TBKBP1: variants seen among roughly 807,000 people sequenced by gnomAD.
TBKBP1 encodes the protein TBK1 binding protein 1.
Under a neutral mutation model 69.9 loss-of-function variants are expected in TBKBP1, and 47 were observed. The observed-to-expected ratio is 0.67, with a 90% confidence interval of 0.53 to 0.86. The LOEUF is 0.86. TBKBP1 is among the 40% of genes least tolerant of loss of function. TBKBP1 has a pLI of 0.00. For missense variants in TBKBP1, 831 were observed against 858.6 expected, an observed-to-expected ratio of 0.97 and a Z score of 0.40; for synonymous variants, 418 against 390.3, an observed-to-expected ratio of 1.07 and a Z score of -0.84.
intron 7 of TBKBP1, among the ~76,000 whole-genome samples, chr17:47,704,714 T>G (rs1025965817): frequency 1.3e-5 from 2 of 152,204 alleles, no homozygotes; most frequent in Non-Finnish European, 2.9e-5. Context: ...GTCCACAATC[T>G]TGGCCACGTG....
In TBKBP1 at chr17:47,702,413, G is replaced by C. The variant is rs529329161; in HGVS notation, c.872+2716G>C. On this transcript the variant is annotated intron_variant, in intron 7 of 9. Transcript: ENST00000578982. ...CTCTTAGGCGGGAGTCTTCTGTATG[G>C]TGAACTCTGTATGTATGTATGCCCA... Among the ~76,000 whole-genome samples the C allele has an allele frequency of 3.3e-5, 5 of 152,222 alleles. No homozygotes were observed. The East Asian group carries it at 7.7e-4, about 23-fold the overall frequency.
At chr17:47,703,643 C>T (rs2031597817) in intron 7 of TBKBP1, among the ~76,000 whole-genome samples, 1 of 152,188 alleles carries the variant, frequency 6.6e-6, no homozygotes, top group African/African-American at 2.4e-5. Context: ...CGCCCATCTT[C>T]CCTCCTTAAA....
At chr17:47,694,548 G>A (rs1217242677) in intron 1 of TBKBP1, 3 of 152,132 alleles carry the variant, frequency 2.0e-5, no homozygotes, top group Non-Finnish European at 4.4e-5. Flanking sequence ...GCTCTTAAAG[G>A]GGCCGCAGGA....
At chr17:47,710,456 TG>T in intron 9 of TBKBP1, 41 bp from the exon 10 acceptor site, 1 of 1,582,500 alleles carries the variant, frequency 6.3e-7, no homozygotes, top group Non-Finnish European at 8.6e-7. Flanking sequence ...GGACCATGGG[TG>T]GGGGCTGGGG....
In TBKBP1 at chr17:47,699,388, G is replaced by C. The variant is rs758230040; in HGVS notation, c.703G>C (p.Ala235Pro). The C allele has an allele frequency of 1.9e-6, 3 of 1,565,984 alleles. No individual in the cohort carries two copies. Residue 235 changes from alanine to proline, a missense_variant, in exon 6 of 10, where the codon GCC becomes CCC. By Grantham distance (27) the Ala-to-Pro change is conservative (BLOSUM62 -1). Coordinates refer to ENST00000578982, the MANE Select transcript of TBKBP1 (RefSeq NM_001394755.1). ...ERRRLEEALE[A>P]AQGEARGAQL... is the part of the protein sequence containing the mutation. ...GCGGCGGCTAGAAGAGGCTTTGGAG[G>C]CCGCGCAGGGAGAGGCCCGGGGGGC...
At chr17:47,710,400 A>C (rs942905570) in intron 9 of TBKBP1, 98 bp from the exon 10 acceptor site, 1 of 1,508,504 alleles carries the variant, frequency 6.6e-7, no homozygotes, top group East Asian at 2.3e-5. Context: ...TGCATGCCAC[A>C]GCCCTCCCTG....
rs775334807 is a variant in TBKBP1 at position 47,696,276 on chromosome 17, T to TG, written c.170dup (p.Leu58ProfsTer24). 6.2e-7 allele frequency: 1 copy of TG among 1,613,546 alleles called. No individual in the cohort carries two copies. Among genetic ancestry groups the TG allele is most frequent in the Non-Finnish European group, 8.5e-7 (1 of 1,179,838 alleles). Reference sequence around the variant, plus strand: ...GCTTACGGAGACATCAAGGAACGGCTGGGGGGCCTGGAGAGGGAGAACGCC... The same window carrying TG: ...GCTTACGGAGACATCAAGGAACGGCTGGGGGGGCCTGGAGAGGGAGAACGCC... On this transcript the variant is annotated frameshift_variant, in exon 2 of 10. Transcript: ENST00000578982. LOFTEE classifies it high-confidence loss of function.
rs377636658 is a variant in TBKBP1 at position 47,697,044 on chromosome 17, A to G, written c.349-45A>G. 142 of 1,573,412 alleles carry G rather than the reference A, an allele frequency of 9.0e-5. No individual in the cohort carries two copies. In the African/African-American group the frequency reaches 1.6e-3, roughly 17 times the overall value. On this transcript the variant is annotated intron_variant, in intron 3 of 9. Transcript: ENST00000578982. ...CAGGGAGCTCTCCAACTCCAAGTCC[A>G]GTGTGGGACTGACCCTGTGGTGGGG...
intron 7 of TBKBP1, among the ~76,000 whole-genome samples, chr17:47,701,209 G>A (rs1378352707): frequency 6.6e-6 from 1 of 152,162 alleles, no homozygotes; most frequent in Non-Finnish European, 1.5e-5. Flanking sequence ...GATAGCTGGG[G>A]AGGTGGTGAG....
intron 5 of TBKBP1, among the ~76,000 whole-genome samples, chr17:47,699,112 C>T (rs2031380720): frequency 6.6e-6 from 1 of 152,280 alleles, no homozygotes; most frequent in South Asian, 2.1e-4. Flanking sequence ...CTTCAAGAGC[C>T]CATCTTATTT....
Position 47,708,412 on chromosome 17 carries a change from C to T in TBKBP1, c.891C>T (p.Ala297=), listed in dbSNP as rs1313715869. ...VGDDQVNLAL[A]YTELTEELGR... ...ACTTCAGGGTGAATTTGGCGCTGGC[C>T]TACACCGAGCTGACGGAGGAGCTGG... Residue 297 remains alanine, a synonymous_variant, in exon 8 of 10, where the codon GCC becomes GCT. Transcript: ENST00000578982. The surrounding 1 kb of genome is among the most constrained non-coding windows in gnomAD (Gnocchi z 4.4). 1.9e-6 allele frequency: 3 copies of T among 1,613,796 alleles called. No individual in the cohort carries two copies. Among genetic ancestry groups the T allele is most frequent in the East Asian group, 2.2e-5 (1 of 44,890 alleles).
At chr17:47,694,720 G>T (rs1314261874) in intron 1 of TBKBP1, 1 of 151,768 alleles carries the variant, frequency 6.6e-6, no homozygotes, top group Non-Finnish European at 1.5e-5. Flanking sequence ...GGCGGGCGGG[G>T]GTCTGGGGGG....
intron 7 of TBKBP1, 21 bp downstream of exon 7, chr17:47,699,718 T>C: frequency 6.2e-7 from 1 of 1,613,886 alleles, no homozygotes; most frequent in Non-Finnish European, 8.5e-7. Flanking sequence ...TTGGTAACCC[T>C]GGTCCCTCCG....
At chr17:47,696,572 A>T (rs1287524187) in intron 2 of TBKBP1, 139 bp from the exon 3 acceptor site, 1 of 1,382,198 alleles carries the variant, frequency 7.2e-7, no homozygotes. Context: ...CTACAGACCC[A>T]TGGGAATTGG....
chr17:47,709,191 C>A lies in TBKBP1; in HGVS notation c.1458C>A (p.Leu486=). ...PPWLQAEAAT[L]PKPRAYGSEL... is the part of the protein sequence containing the mutation. The stretch of plus-strand genomic sequence containing the variant: ...GGCTGCAGGCCGAAGCGGCCACTCT[C>A]CCCAAGCCCCGGGCCTACGGCAGCG... Residue 486 remains leucine (L), a synonymous_variant, in exon 9 of 10, where the codon CTC becomes CTA. Transcript: ENST00000578982. The A allele has an allele frequency of 6.7e-7, 1 of 1,503,578 alleles. No homozygotes were observed. 93.1% of individuals were successfully genotyped at this position (1,503,578 alleles called of 1,614,324 possible). A position where few individuals can be genotyped will look rare whatever the true frequency, so the allele number is the denominator to read the frequency against.
rs189495804 is a variant in TBKBP1, at chr17:47,708,608, T to C, written c.991+96T>C. 1.4e-4 allele frequency: 205 copies of C among 1,472,924 alleles called. No homozygotes were observed. Among genetic ancestry groups the C allele is most frequent in the Middle Eastern group, 1.0e-3 (6 of 5,758 alleles). The allele number at this position is 1,472,924 out of a possible 1,614,324, so 91.2% of individuals were successfully genotyped here. A position where few individuals can be genotyped will look rare whatever the true frequency, so the allele number is the denominator to read the frequency against. Reference sequence around the variant, plus strand: ...TTGGTCATGGGGACCACCCTTTATTTCCTTTCCTGTGGCCTGGAGTTGGTG... The same window carrying C: ...TTGGTCATGGGGACCACCCTTTATTCCCTTTCCTGTGGCCTGGAGTTGGTG... On this transcript the variant is annotated intron_variant, in intron 8 of 9. Transcript: ENST00000578982. This position sits in a 1 kb window ranked among gnomAD's most constrained non-coding sequence, Gnocchi z 4.4.
Position 47,709,268 on chromosome 17 carries a change from T to G in TBKBP1, c.1535T>G (p.Ile512Ser). 1 of 1,523,554 alleles carries G rather than the reference T, an allele frequency of 6.6e-7. No individual in the cohort carries two copies. Among genetic ancestry groups the G allele is most frequent in the South Asian group, 1.2e-5 (1 of 82,274 alleles). The allele number at this position is 1,523,554 out of a possible 1,614,324, so 94.4% of individuals were successfully genotyped here. Reference protein sequence around the residue: ...PLSPRRAFEGIRLRFEKQPSE... With the variant: ...PLSPRRAFEGSRLRFEKQPSE... ...AGCCCGCGGCGCGCCTTCGAGGGCA[T>G]CCGGCTGCGCTTCGAGAAGCAGCCG... The change falls in exon 9 of 10, where the codon ATC becomes AGC. Residue 512 changes from isoleucine (I) to serine (S), a missense_variant. Coordinates refer to ENST00000578982, the MANE Select transcript of TBKBP1 (RefSeq NM_001394755.1).
intron 7 of TBKBP1, among the ~76,000 whole-genome samples, chr17:47,700,051 A>G (rs1438478098): frequency 1.3e-5 from 2 of 148,816 alleles, no homozygotes; most frequent in Non-Finnish European, 3.0e-5. Context: ...GCAGTGGCGC[A>G]ATCTCGGCTC....
rs2031909284 is a variant in TBKBP1 at position 47,711,118 on chromosome 17, T to C, written c.*492T>C. 6.5e-6 allele frequency: 1 copy of C among 153,002 alleles called. No individual in the cohort carries two copies. Among genetic ancestry groups the C allele is most frequent in the Admixed American group, 6.5e-5 (1 of 15,352 alleles). The allele number at this position is 153,002 out of a possible 1,614,324, so 9.5% of individuals were successfully genotyped here. A position where few individuals can be genotyped will look rare whatever the true frequency, so the allele number is the denominator to read the frequency against. ...TGCTCTGTGCACTGACCCCAGTTCC[T>C]CCATCCTGTGGCCAGCCTAGGGCTC... On this transcript the variant is annotated 3_prime_UTR_variant, in exon 10 of 10. Transcript: ENST00000578982.
Sources: allele counts gnomAD v4.1 joint callset (sites outside exome capture counted in the v4.1 genomes callset), GRCh38; gene constraint gnomAD v4.1.1; non-coding constraint Gnocchi (gnomAD v3.1); transcripts MANE v1.5; gene names NCBI Gene and HGNC (gene_info 2026-07-23, HGNC 2026-07-21).